Variants in ROBO2 observed in about 807,000 individuals in gnomAD.
ROBO2 encodes the protein roundabout guidance receptor 2.
A neutral mutation model predicts 160.8 loss-of-function variants in ROBO2; 53 were observed. The ratio of observed to expected loss-of-function variants is 0.33; its 90% confidence interval spans 0.26 to 0.41. The LOEUF (loss-of-function observed/expected upper bound fraction) is 0.41. ROBO2 is among the 10% of genes least tolerant of loss of function. ROBO2 has a pLI of 1.00. For synonymous variants in ROBO2, 664 were observed against 611.7 expected, an observed-to-expected ratio of 1.09 and a Z score of -1.26; for missense variants, 1,577 against 1,722.4, an observed-to-expected ratio of 0.92 and a Z score of 1.49.
At chr3:76,653,557 T>A (rs1361645468) in intron 2 of ROBO2, among the ~76,000 whole-genome samples, 1 of 151,996 alleles carries the variant, frequency 6.6e-6, no homozygotes, top group Non-Finnish European at 1.5e-5. Context: ...AAATGCTGAT[T>A]CTTATATCTT....
chr3:77,291,970 G>A (rs1262528933), intron 2 of ROBO2, among the ~76,000 whole-genome samples: 9 of 151,538 alleles, frequency 5.9e-5, no homozygotes, highest in African/African-American at 2.2e-4. Flanking sequence ...GATCACCCCA[G>A]ACATAAAGTA....
rs1431499896 is a variant in ROBO2, at chr3:77,164,770, GA to G, written c.388+66431del. On this transcript the variant is annotated intron_variant, in intron 2 of 25. Coordinates refer to ENST00000461745, the Ensembl canonical transcript of ROBO2. ...GTCCGGGAGGGAAGTGGGGGGGTCA[GA>G]CCCCCGCCCGGCCAGCCGCCCCGTC... Among the ~76,000 whole-genome samples, 31 of 36,278 alleles carry G rather than the reference GA, an allele frequency of 8.5e-4. 2 individuals carry two copies. In the South Asian group the frequency reaches 0.023, roughly 27 times the overall value. 23.8% of individuals were successfully genotyped at this position (36,278 alleles called of 152,430 possible).
chr3:76,761,229 G>A (rs1330878354), intron 2 of ROBO2, among the ~76,000 whole-genome samples: 4 of 151,720 alleles, frequency 2.6e-5, no homozygotes, highest in South Asian at 2.1e-4. Context: ...AGCTATATAC[G>A]ATTACTTTGA....
chr3:77,565,089 A>C (rs1360130351), exon 12 of ROBO2: 1 of 1,613,590 alleles, frequency 6.2e-7, no homozygotes, highest in African/African-American at 1.3e-5. Context: ...TCAGTGACCC[A>C]AGTCCCATGT....
intron 2 of ROBO2, among the ~76,000 whole-genome samples, chr3:76,349,554 G>A (rs761330112): frequency 6.6e-6 from 1 of 152,070 alleles, no homozygotes; most frequent in African/African-American, 2.4e-5. Flanking sequence ...AGAAGTGTGA[G>A]CTTCAGATTT....
chr3:76,083,956 C>A (rs999233251), intron 2 of ROBO2, among the ~76,000 whole-genome samples: 12 of 152,006 alleles, frequency 7.9e-5, no homozygotes, highest in Admixed American at 3.9e-4. Flanking sequence ...CCAACTTATG[C>A]CTGGGAAATG....
intron 24 of ROBO2, among the ~76,000 whole-genome samples, chr3:77,637,573 C>A (rs1382116384): frequency 2.6e-5 from 4 of 152,102 alleles, no homozygotes; most frequent in Non-Finnish European, 5.9e-5. Flanking sequence ...ATTAGCTGAG[C>A]ATTTAAAACT....
At chr3:76,440,461 C>T (rs1270138741) in intron 2 of ROBO2, among the ~76,000 whole-genome samples, 1 of 150,826 alleles carries the variant, frequency 6.6e-6, no homozygotes, top group East Asian at 1.9e-4. Context: ...AAGTACTTTA[C>T]TTGAAAGGGG....
intron 2 of ROBO2, among the ~76,000 whole-genome samples, chr3:75,961,345 A>G (rs1216437860): frequency 2.6e-5 from 4 of 151,772 alleles, no homozygotes; most frequent in Non-Finnish European, 4.4e-5. Context: ...GGATATATTT[A>G]TATTTATTTT....
chr3:76,967,285 A>G (rs2059347688), intron 2 of ROBO2, among the ~76,000 whole-genome samples: 1 of 151,168 alleles, frequency 6.6e-6, no homozygotes, highest in African/African-American at 2.4e-5. Flanking sequence ...GTTCACTGCA[A>G]CCTCCATCCT....
At chr3:77,158,255 A>G (rs2078184866) in intron 2 of ROBO2, among the ~76,000 whole-genome samples, 1 of 152,134 alleles carries the variant, frequency 6.6e-6, no homozygotes, top group African/African-American at 2.4e-5. Context: ...AGCAGTTAGT[A>G]GAACCTGTCT....
At chr3:76,206,249 T>G (rs201000893) in intron 2 of ROBO2, among the ~76,000 whole-genome samples, 1 of 139,050 alleles carries the variant, frequency 7.2e-6, no homozygotes, top group South Asian at 2.4e-4. Flanking sequence ...TACATTACTG[T>G]CTGAGAGCTG....
At position 76,447,618 on chromosome 3, in the gene ROBO2, A is replaced by G. The variant is rs560520700; in HGVS notation, c.109+510016A>G. Reference sequence around the variant, plus strand: ...GTATGTATATTGCGGCACTATTCACAATAGCAAAGACTTGGAACCAGCCCA... The same window carrying G: ...GTATGTATATTGCGGCACTATTCACGATAGCAAAGACTTGGAACCAGCCCA... On this transcript the variant is annotated intron_variant, in intron 2 of 26. Coordinates refer to the ROBO2 transcript ENST00000487694. Among the ~76,000 whole-genome samples, 4 of 150,596 alleles carry G rather than the reference A, an allele frequency of 2.7e-5. No individual in the cohort carries two copies. In the South Asian group the frequency reaches 8.5e-4, roughly 32 times the overall value.
intron 2 of ROBO2, among the ~76,000 whole-genome samples, chr3:76,525,499 G>A (rs1036481774): frequency 6.6e-6 from 1 of 151,930 alleles, no homozygotes; most frequent in Admixed American, 6.6e-5. Context: ...TGCATTTTCT[G>A]TGTAAGTAAT....
intron 13 of ROBO2, among the ~76,000 whole-genome samples, chr3:77,573,767 T>C (rs2093694771): frequency 6.6e-6 from 1 of 152,058 alleles, no homozygotes; most frequent in South Asian, 2.1e-4. Flanking sequence ...GCTTTGCCTC[T>C]GCTTCCCAAC....
At chr3:77,499,669 G>C (rs1017791001) in intron 5 of ROBO2, among the ~76,000 whole-genome samples, 1 of 55,298 alleles carries the variant, frequency 1.8e-5, no homozygotes, top group African/African-American at 7.7e-5. Context: ...TTTTTTTTTT[G>C]ACGGAGTCTT....
chr3:76,574,043 TA>T (rs2085129188), intron 2 of ROBO2, among the ~76,000 whole-genome samples: 1 of 152,138 alleles, frequency 6.6e-6, no homozygotes, highest in East Asian at 1.9e-4. Context: ...CCTGATGAAC[TA>T]GAGTGTATTT....
rs947663074 is a variant in ROBO2 at position 76,196,963 on chromosome 3, C to T, written c.109+259361C>T. On this transcript the variant is annotated intron_variant, in intron 2 of 26. Coordinates refer to the ROBO2 transcript ENST00000487694. ...TTAGTATGCTTAAGTGATGGCTTTC[C>T]GTTTAATGATTACATACTTTACACA... is the stretch of plus-strand genomic sequence containing the variant. Among the ~76,000 whole-genome samples, 8 of 152,166 alleles carry T rather than the reference C, an allele frequency of 5.3e-5. 1 individual carries two copies. In the South Asian group the frequency reaches 1.2e-3, roughly 24 times the overall value.
intron 2 of ROBO2, among the ~76,000 whole-genome samples, chr3:77,413,580 C>T (rs914167905): frequency 7.2e-5 from 11 of 152,184 alleles, no homozygotes; most frequent in African/African-American, 2.7e-4. Flanking sequence ...CACATGGTGA[C>T]AAGGCCTGAA....
Sources: gnomAD v4.1 joint callset for allele counts (sites outside exome capture counted in the v4.1 genomes callset) on GRCh38, gnomAD v4.1.1 for gene constraint, MANE v1.5 for transcripts, NCBI Gene and HGNC (gene_info 2026-07-23, HGNC 2026-07-21) for gene names.